DNAH14: variants seen among roughly 807,000 people sequenced by gnomAD.
The protein encoded by DNAH14 is dynein axonemal heavy chain 14.
DNAH14 carries 478 observed loss-of-function variants against 520.9 expected under a neutral mutation model. The observed-to-expected ratio is 0.92, with a 90% CI of 0.85 to 0.99. DNAH14 has a LOEUF of 0.99. Among genes scored for constraint, DNAH14 ranks in the 50% least tolerant of loss-of-function variants. The pLI, the probability that DNAH14 is intolerant of heterozygous loss-of-function variation, is 0.00. For missense variants in DNAH14, 4,831 were observed against 5,234.5 expected (o/e 0.92, Z 2.38); for synonymous variants, 1,581 against 1,757.2 (o/e 0.90, Z 2.51).
intron 8 of DNAH14, among the ~76,000 whole-genome samples, chr1:224,986,381 A>G (rs2062644954): frequency 6.6e-6 from 1 of 151,862 alleles, no homozygotes; most frequent in South Asian, 2.1e-4. Context: ...TGATGCAAAA[A>G]TCCTCAACAA....
At chr1:225,343,868 A>C (rs1031509464) in intron 69 of DNAH14, among the ~76,000 whole-genome samples, 3 of 152,192 alleles carry the variant, frequency 2.0e-5, no homozygotes, top group African/African-American at 4.8e-5. Flanking sequence ...TATACATAGA[A>C]GGTGACAATC....
At chr1:225,324,602 C>T in intron 63 of DNAH14, 135 bp from the exon 64 acceptor site, 1 of 919,846 alleles carries the variant, frequency 1.1e-6, no homozygotes. Flanking sequence ...CAACTTTGTA[C>T]CCCACATATA....
chr1:225,331,691 A>G, intron 65 of DNAH14, 114 bp downstream of exon 65: 1 of 1,380,984 alleles, frequency 7.2e-7, no homozygotes, highest in Non-Finnish European at 9.8e-7. Flanking sequence ...CTATCTAACT[A>G]TCCAGTTTCT....
chr1:225,337,051 C>T (rs955806443), intron 66 of DNAH14, among the ~76,000 whole-genome samples: 11 of 152,094 alleles, frequency 7.2e-5, no homozygotes, highest in African/African-American at 2.4e-4. Context: ...TCATAATGCC[C>T]TTATTGTTGA....
intron 23 of DNAH14, among the ~76,000 whole-genome samples, chr1:225,110,361 T>A (rs1034674684): frequency 2.3e-5 from 3 of 130,522 alleles, no homozygotes; most frequent in African/African-American, 1.4e-4. Context: ...TTACTTGTTA[T>A]TAGTCTGTTC....
At chr1:225,105,363 T>C (rs2075945611) in intron 23 of DNAH14, among the ~76,000 whole-genome samples, 1 of 152,180 alleles carries the variant, frequency 6.6e-6, no homozygotes, top group Non-Finnish European at 1.5e-5. Context: ...GTATATTCTG[T>C]TGATTTGGGG....
intron 78 of DNAH14, 108 bp downstream of exon 78, chr1:225,374,993 C>T (rs924512697): frequency 1.9e-6 from 2 of 1,029,544 alleles, no homozygotes; most frequent in Non-Finnish European, 2.7e-6. Flanking sequence ...TTTTTAAAGG[C>T]TTTTAGTAGC....
intron 55 of DNAH14, among the ~76,000 whole-genome samples, chr1:225,296,799 T>C (rs1427536265): frequency 6.6e-6 from 1 of 152,184 alleles, no homozygotes; most frequent in Non-Finnish European, 1.5e-5. Context: ...TCTTTGACTA[T>C]CTCATCCTAT....
At chr1:225,196,464 G>A (rs574360623) in intron 38 of DNAH14, among the ~76,000 whole-genome samples, 19 of 152,108 alleles carry the variant, frequency 1.2e-4, no homozygotes, top group Non-Finnish European at 8.8e-5. Context: ...TGTGAATTGG[G>A]CTGCCATGAA....
In DNAH14 at chr1:225,275,927, A is replaced by C. The variant is rs538101360; in HGVS notation, c.8024A>C (p.Gln2675Pro). ...LENCFQIQWT[Q>P]ENLMNHSTVF... is the part of the protein sequence containing the mutation. ...ATCTTACAATAGATTCAGTGGACCC[A>C]AGAAAACCTGATGAATCACTCAACT... Residue 2675 changes from glutamine to proline, a missense_variant, in exon 53 of 86, where the codon CAA (glutamine) becomes CCA (proline). Gln to Pro is a moderately conservative substitution (Grantham distance 76, BLOSUM62 -1). Transcript: ENST00000682510. The C allele has an allele frequency of 2.9e-5, 10 of 347,328 alleles. No homozygotes were observed. The allele number at this position is 347,328 out of a possible 1,614,324, so 21.5% of individuals were successfully genotyped here.
rs1002873212 is a variant in DNAH14, at chr1:225,051,643, G to A, written c.2272G>A (p.Val758Met). The change falls in exon 17 of 86, where the codon GTG (valine) becomes ATG (methionine). Residue 758 changes from valine (V) to methionine (M), a missense_variant. Transcript: ENST00000682510. The stretch of plus-strand genomic sequence containing the variant: ...ATTCAGAAACTATTTTAGACATATT[G>A]TGAATATGGCCATTGAGAAGCGTAT... Reference protein sequence around the residue: ...NRFRNYFRHIVNMAIEKRIGI... With the variant: ...NRFRNYFRHIMNMAIEKRIGI... 2 of 1,550,812 alleles carry A rather than the reference G, an allele frequency of 1.3e-6. No individual in the cohort carries two copies. The highest frequency in any genetic ancestry group is 2.7e-5 in the African/African-American group (2 of 73,000).
At position 225,322,999 on chromosome 1, in the gene DNAH14, G is replaced by A. The variant is rs769303959; in HGVS notation, c.9495+176G>A. On this transcript the variant is annotated intron_variant, in intron 62 of 85. Transcript: ENST00000682510. ...AGTTGGATAGGGAAAAGAAATCCCA[G>A]TCTGAGAAAAATTTCATTCTGATTA... Among the ~76,000 whole-genome samples, 42 of 150,388 alleles carry A rather than the reference G, an allele frequency of 2.8e-4. 1 individual carries two copies. The highest frequency in any genetic ancestry group is 4.8e-4 in the Non-Finnish European group (32 of 67,112).
chr1:225,192,809 A>T lies in DNAH14; in HGVS notation c.5784A>T (p.Leu1928Phe). Reference protein sequence around the residue: ...DPNTMEWTDGLLSATIRSYVY... With the variant: ...DPNTMEWTDGFLSATIRSYVY... ...ATACTATGGAATGGACTGATGGATTATTATCAGCAACAATTCGAAGTTATG... is the reference window on the plus strand; with the variant it reads ...ATACTATGGAATGGACTGATGGATTTTTATCAGCAACAATTCGAAGTTATG... Residue 1928 changes from leucine (L) to phenylalanine (F), a missense_variant, in exon 38 of 86, where the codon TTA becomes TTT. Transcript: ENST00000682510. 6.5e-7 allele frequency: 1 copy of T among 1,550,296 alleles called. No individual in the cohort carries two copies. The highest frequency in any genetic ancestry group is 8.7e-7 in the Non-Finnish European group (1 of 1,146,034).
At chr1:225,235,251 A>G (rs1026305887) in intron 42 of DNAH14, among the ~76,000 whole-genome samples, 3 of 152,136 alleles carry the variant, frequency 2.0e-5, no homozygotes, top group South Asian at 4.1e-4. Context: ...TAAACATGAA[A>G]GGATGTTGAA....
chr1:225,264,611 C>T (rs2093049985), intron 47 of DNAH14, among the ~76,000 whole-genome samples: 1 of 152,066 alleles, frequency 6.6e-6, no homozygotes, highest in Non-Finnish European at 1.5e-5. Flanking sequence ...AGGTATGATT[C>T]TGTAGGACTT....
chr1:225,248,287 A>G, intron 43 of DNAH14, among the ~76,000 whole-genome samples: 1 of 152,194 alleles, frequency 6.6e-6, no homozygotes, highest in East Asian at 1.9e-4. Flanking sequence ...TATAAGAGTA[A>G]TGATGAGCAT....
At chr1:224,944,989 A>G (rs968068590) in intron 1 of DNAH14, among the ~76,000 whole-genome samples, 3 of 152,138 alleles carry the variant, frequency 2.0e-5, no homozygotes, top group Non-Finnish European at 4.4e-5. Flanking sequence ...GCTCTTCTCG[A>G]GGAATATCTT....
In DNAH14 at chr1:225,265,350, G is replaced by C; in HGVS notation, c.7391G>C (p.Gly2464Ala). 1 of 1,534,502 alleles carries C rather than the reference G, an allele frequency of 6.5e-7. No individual in the cohort carries two copies. ...ATAAGAAGAACTAAAGATACTCTTGGAGCACCAAAAAACAACCGGGTAAAA... is the reference window on the plus strand; with the variant it reads ...ATAAGAAGAACTAAAGATACTCTTGCAGCACCAAAAAACAACCGGGTAAAA... Reference protein sequence around the residue: ...KLIRRTKDTLGAPKNNRILIF... With the variant: ...KLIRRTKDTLAAPKNNRILIF... Residue 2464 changes from glycine to alanine, a missense_variant, in exon 48 of 86, where the codon GGA becomes GCA. Physicochemically the swap from Gly to Ala is moderately conservative, Grantham distance 60. Coordinates refer to ENST00000682510, the MANE Select transcript of DNAH14 (RefSeq NM_001367479.1).
chr1:225,334,870 C>G (rs2094880358), intron 66 of DNAH14, among the ~76,000 whole-genome samples: 1 of 139,470 alleles, frequency 7.2e-6, no homozygotes, highest in Non-Finnish European at 1.5e-5. Context: ...CTCTGTCTCT[C>G]TCTCTACATA....
Sources: allele counts gnomAD v4.1 joint callset (sites outside exome capture counted in the v4.1 genomes callset), GRCh38; gene constraint gnomAD v4.1.1; transcripts MANE v1.5; gene names NCBI Gene and HGNC (gene_info 2026-07-23, HGNC 2026-07-21).